The following TTC28 variants were observed in gnomAD, a reference collection of about 807,000 sequenced individuals.
TTC28 encodes the protein tetratricopeptide repeat protein 28.
Under a neutral mutation model 198.0 loss-of-function variants are expected in TTC28, and 61 were observed. The observed-to-expected ratio is 0.31, with a 90% confidence interval of 0.25 to 0.38. The LOEUF (loss-of-function observed/expected upper bound fraction) is 0.38. Ranked by LOEUF, TTC28 falls within the 10% of genes least tolerant of loss-of-function variation. The pLI, the probability that TTC28 is intolerant of heterozygous loss-of-function variation, is 1.00. For synonymous variants in TTC28, 1,171 were observed against 1,297.8 expected (o/e 0.90, Z 2.10); for missense variants, 2,678 against 3,164.0 (o/e 0.85, Z 3.69).
intron 2 of TTC28, among the ~76,000 whole-genome samples, chr22:28,552,721 A>T (rs2049698054): frequency 6.6e-6 from 1 of 151,504 alleles, no homozygotes; most frequent in African/African-American, 2.4e-5. Flanking sequence ...CTTATACAAA[A>T]ATCAATTCAA....
chr22:28,270,477 C>T (rs1346389654), intron 5 of TTC28, among the ~76,000 whole-genome samples: 2 of 151,934 alleles, frequency 1.3e-5, no homozygotes, highest in Admixed American at 1.3e-4. Flanking sequence ...GAACCCAAAG[C>T]AACTCTAGAC....
chr22:28,374,768 G>A (rs894542437), intron 2 of TTC28, among the ~76,000 whole-genome samples: 20 of 152,116 alleles, frequency 1.3e-4, no homozygotes, highest in African/African-American at 2.7e-4. Context: ...TGCAACCTCC[G>A]CCTAGCAGGT....
At position 28,163,347 on chromosome 22, in the gene TTC28, C is replaced by G; in HGVS notation, c.1186G>C (p.Ala396Pro). The change falls in exon 6 of 23, where the codon GCT becomes CCT. Residue 396 changes from alanine (A) to proline (P), a missense_variant. Physicochemically the swap from Ala to Pro is conservative, Grantham distance 27. Coordinates refer to ENST00000397906, the MANE Select transcript of TTC28 (RefSeq NM_001145418.2). Reference protein sequence around the residue: ...DLGNKREEARAYSNLGSAYHY... With the variant: ...DLGNKREEARPYSNLGSAYHY... ...TAGGCACTGCCCAGGTTGCTATAAG[C>G]CCGGGCCTCTTCTCGCTTGTTCCCC... 1 of 1,552,108 alleles carries G rather than the reference C, an allele frequency of 6.4e-7. No individual in the cohort carries two copies. The highest frequency in any genetic ancestry group is 8.7e-7 in the Non-Finnish European group (1 of 1,147,090).
At chr22:28,001,206 TG>T in intron 15 of TTC28, 167 bp downstream of exon 15, 5 of 849,170 alleles carry the variant, frequency 5.9e-6, no homozygotes, top group Non-Finnish European at 8.7e-6. Flanking sequence ...GCCCCACTTT[TG>T]GACAGACCTA....
Position 27,983,044 on chromosome 22 carries a change from G to A in TTC28, c.6623C>T (p.Ala2208Val), listed in dbSNP as rs771812441. 41 of 1,551,598 alleles carry A rather than the reference G, an allele frequency of 2.6e-5. No individual in the cohort carries two copies. Among genetic ancestry groups the A allele is most frequent in the East Asian group, 2.0e-4 (8 of 40,920 alleles). Residue 2208 changes from alanine to valine, a missense_variant, in exon 23 of 23, where the codon GCG becomes GTG. By Grantham distance (64) the Ala-to-Val change is moderately conservative. Coordinates refer to ENST00000397906, the MANE Select transcript of TTC28 (RefSeq NM_001145418.2). ...CCTGCTGAACGCACTGGTTTCTGAC[G>A]CTCTGAAGACAGCAGTGCTGCTGGG... ...QAPSSTAVFR[A>V]SETSAFSRPV...
Position 28,286,798 on chromosome 22 carries a change from G to GCA in TTC28, c.933+9398_933+9399dup, listed in dbSNP as rs150553831. ...AAATACCATTTACAATAGTGAGGAT[G>GCA]CACACACACACACACAAAACCTAAG... On this transcript the variant is annotated intron_variant, in intron 5 of 22. Coordinates refer to ENST00000397906, the MANE Select transcript of TTC28 (RefSeq NM_001145418.2). Among the ~76,000 whole-genome samples the GCA allele has an allele frequency of 4.9e-3, 738 of 151,032 alleles. 8 individuals are homozygous for GCA. Among genetic ancestry groups the GCA allele is most frequent in the African/African-American group, 0.017 (683 of 41,286 alleles).
At chr22:28,419,621 C>T (rs2047218382) in intron 2 of TTC28, among the ~76,000 whole-genome samples, 1 of 152,330 alleles carries the variant, frequency 6.6e-6, no homozygotes, top group South Asian at 2.1e-4. Context: ...AGCCTATCGA[C>T]AATCTAAATA....
chr22:28,186,431 T>A (rs1035725225), intron 5 of TTC28, among the ~76,000 whole-genome samples: 1 of 152,312 alleles, frequency 6.6e-6, no homozygotes. Context: ...CGAATGCCTG[T>A]AACTACAGAC....
chr22:28,521,351 G>A (rs1308958519), intron 2 of TTC28, among the ~76,000 whole-genome samples: 1 of 152,090 alleles, frequency 6.6e-6, no homozygotes, highest in Non-Finnish European at 1.5e-5. Flanking sequence ...AGGTTATGAT[G>A]AGCCGTGACC....
At chr22:28,575,526 T>C (rs1276999918) in intron 2 of TTC28, among the ~76,000 whole-genome samples, 4 of 152,168 alleles carry the variant, frequency 2.6e-5, no homozygotes, top group African/African-American at 4.8e-5. Context: ...TTTAGGAGTA[T>C]TTTTTCTATT....
At chr22:28,203,630 A>G (rs1040104110) in intron 5 of TTC28, among the ~76,000 whole-genome samples, 12 of 152,144 alleles carry the variant, frequency 7.9e-5, no homozygotes, top group Non-Finnish European at 1.6e-4. Flanking sequence ...ATGCCATTCT[A>G]TATCCCTGTG....
rs557707585 is a variant in TTC28 at position 28,579,682 on chromosome 22, G to A, written c.381+49870C>T. ...CATATATACACACCCAAAAAAAACC[G>A]AAGGGCTGAGCACAGTGGCTCACGC... is the stretch of plus-strand genomic sequence containing the variant. On this transcript the variant is annotated intron_variant, in intron 2 of 22. Coordinates refer to ENST00000397906, the MANE Select transcript of TTC28 (RefSeq NM_001145418.2). Among the ~76,000 whole-genome samples the A allele has an allele frequency of 5.3e-5, 8 of 151,118 alleles. No individual in the cohort carries two copies. In the East Asian group the frequency reaches 5.9e-4, roughly 11 times the overall value.
At chr22:28,338,418 A>G (rs994914606) in intron 2 of TTC28, among the ~76,000 whole-genome samples, 4 of 152,172 alleles carry the variant, frequency 2.6e-5, no homozygotes, top group African/African-American at 9.7e-5. Flanking sequence ...TCTCCTGGAT[A>G]ATATCCTGAG....
rs531705953 is a variant in TTC28, at chr22:28,219,983, C to T, written c.934-56384G>A. On this transcript the variant is annotated intron_variant, in intron 5 of 22. Coordinates refer to ENST00000397906, the MANE Select transcript of TTC28 (RefSeq NM_001145418.2). ...TTGTCCTCTATTACACACAAGGTTA[C>T]ACTCAACAGAGTCTCTGTGATTCCA... 3.3e-5 allele frequency among the ~76,000 whole-genome samples: 5 copies of T among 152,288 alleles called. No individual in the cohort carries two copies. The South Asian group carries it at 1.0e-3, about 32-fold the overall frequency.
chr22:28,003,319 G>C (rs1281944980), intron 14 of TTC28, among the ~76,000 whole-genome samples: 1 of 152,170 alleles, frequency 6.6e-6, no homozygotes, highest in Non-Finnish European at 1.5e-5. Context: ...CCCTGACCCT[G>C]CTGACAGGGT....
intron 2 of TTC28, among the ~76,000 whole-genome samples, chr22:28,405,760 C>G (rs1371559516): frequency 2.0e-5 from 3 of 152,234 alleles, no homozygotes; most frequent in African/African-American, 7.2e-5. Flanking sequence ...AAGCACCACT[C>G]CATAAGATAC....
intron 2 of TTC28, among the ~76,000 whole-genome samples, chr22:28,599,609 C>A (rs189750824): frequency 6.6e-6 from 1 of 152,014 alleles, no homozygotes; most frequent in Non-Finnish European, 1.5e-5. Flanking sequence ...GGCAAAATAG[C>A]GAGACCCCCA....
At chr22:28,552,465 C>T (rs1470384665) in intron 2 of TTC28, among the ~76,000 whole-genome samples, 1 of 152,138 alleles carries the variant, frequency 6.6e-6, no homozygotes, top group Non-Finnish European at 1.5e-5. Flanking sequence ...TATCACATTA[C>T]TGACTTCAAA....
chr22:28,637,007 T>A (rs1459807707), intron 1 of TTC28, among the ~76,000 whole-genome samples: 1 of 141,910 alleles, frequency 7.0e-6, no homozygotes, highest in Non-Finnish European at 1.5e-5. Flanking sequence ...GTCTTCAGTT[T>A]TTTTTTTTTT....
Sources: allele counts gnomAD v4.1 joint callset (sites outside exome capture counted in the v4.1 genomes callset), GRCh38; gene constraint gnomAD v4.1.1; transcripts MANE v1.5; gene names NCBI Gene and HGNC (gene_info 2026-07-23, HGNC 2026-07-21).